The following GRID2 variants were observed in gnomAD, a reference collection of about 807,000 sequenced individuals.
The protein encoded by GRID2 is glutamate ionotropic receptor delta type subunit 2, also known as glutamate receptor ionotropic, delta-2.
In GRID2, 33 loss-of-function variants were observed where a neutral mutation model predicts 114.8. The observed-to-expected ratio is 0.29, with a 90% CI of 0.22 to 0.38. The LOEUF is 0.38. GRID2 is among the 10% of genes least tolerant of loss of function. GRID2 has a pLI of 1.00. For missense variants in GRID2, 1,184 were observed against 1,257.7 expected (o/e 0.94, Z 0.89); for synonymous variants, 505 against 449.9 (o/e 1.12, Z -1.55).
intron 14 of GRID2, among the ~76,000 whole-genome samples, chr4:93,668,690 G>A (rs912054478): frequency 3.0e-4 from 45 of 151,924 alleles, no homozygotes; most frequent in Admixed American, 2.6e-3. Flanking sequence ...TTGTGTTCCT[G>A]GATTTTGGCA....
At chr4:93,155,554 TC>T (rs1310364557) in intron 4 of GRID2, among the ~76,000 whole-genome samples, 2 of 152,004 alleles carry the variant, frequency 1.3e-5, no homozygotes, top group Non-Finnish European at 2.9e-5. Flanking sequence ...AGCCACTTTA[TC>T]CAGTAAAACT....
At chr4:92,419,599 A>G (rs1367148255) in intron 1 of GRID2, among the ~76,000 whole-genome samples, 2 of 152,130 alleles carry the variant, frequency 1.3e-5, no homozygotes, top group South Asian at 4.1e-4. Context: ...GTGGGAAATA[A>G]CTTTTTGGAA....
At chr4:93,365,272 T>C (rs983811644) in intron 8 of GRID2, among the ~76,000 whole-genome samples, 1 of 152,194 alleles carries the variant, frequency 6.6e-6, no homozygotes, top group Non-Finnish European at 1.5e-5. Context: ...ATCTTTATTT[T>C]TGTCAATAGT....
intron 2 of GRID2, among the ~76,000 whole-genome samples, chr4:92,794,523 A>G (rs1739757340): frequency 6.6e-6 from 1 of 151,814 alleles, no homozygotes; most frequent in African/African-American, 2.4e-5. Flanking sequence ...ACTTAAAATC[A>G]TTTCATAAAT....
At chr4:93,323,636 G>A (rs543197035) in intron 8 of GRID2, among the ~76,000 whole-genome samples, 1 of 152,192 alleles carries the variant, frequency 6.6e-6, no homozygotes, top group East Asian at 1.9e-4. Flanking sequence ...ATTTCCTTGG[G>A]CACTATGGCC....
intron 14 of GRID2, among the ~76,000 whole-genome samples, chr4:93,644,781 A>C (rs1236672680): frequency 6.6e-6 from 1 of 152,192 alleles, no homozygotes; most frequent in Non-Finnish European, 1.5e-5. Context: ...AGAGGCTGTA[A>C]ATATCAGACC....
chr4:92,524,227 G>T (rs968848783), intron 1 of GRID2, among the ~76,000 whole-genome samples: 1 of 151,888 alleles, frequency 6.6e-6, no homozygotes, highest in African/African-American at 2.4e-5. Context: ...GAGTCAAAAG[G>T]ATTAATGGGT....
At chr4:93,029,184 G>A (rs781603892) in intron 2 of GRID2, among the ~76,000 whole-genome samples, 2 of 151,902 alleles carry the variant, frequency 1.3e-5, no homozygotes, top group Admixed American at 6.6e-5. Flanking sequence ...TTTAAAGTAA[G>A]AAATGGCAAA....
At chr4:93,584,630 G>A (rs1029213546) in intron 13 of GRID2, among the ~76,000 whole-genome samples, 3 of 151,970 alleles carry the variant, frequency 2.0e-5, no homozygotes, top group Admixed American at 2.0e-4. Flanking sequence ...CATTAGAAAT[G>A]GAATTTAACA....
At chr4:92,343,013 T>G (rs1478021776) in intron 1 of GRID2, among the ~76,000 whole-genome samples, 1 of 152,184 alleles carries the variant, frequency 6.6e-6, no homozygotes, top group African/African-American at 2.4e-5. Flanking sequence ...TAATATGAAC[T>G]GAAAGATATA....
chr4:92,366,393 G>C (rs1200001815), intron 1 of GRID2, among the ~76,000 whole-genome samples: 1 of 151,900 alleles, frequency 6.6e-6, no homozygotes, highest in Non-Finnish European at 1.5e-5. Flanking sequence ...CCTATTTTGT[G>C]CTCTTCAAAA....
intron 2 of GRID2, among the ~76,000 whole-genome samples, chr4:92,924,274 A>G (rs1376032497): frequency 6.6e-6 from 1 of 152,164 alleles, no homozygotes; most frequent in Non-Finnish European, 1.5e-5. Context: ...GGGGAGGGAT[A>G]GCATTAGGAG....
At position 92,449,600 on chromosome 4, in the gene GRID2, T is replaced by C. The variant is rs552280316; in HGVS notation, c.89-140531T>C. Among the ~76,000 whole-genome samples, 128 of 147,716 alleles carry C rather than the reference T, an allele frequency of 8.7e-4. 1 individual carries two copies. The highest frequency in any genetic ancestry group is 2.9e-3 in the African/African-American group (120 of 40,748). On this transcript the variant is annotated intron_variant, in intron 1 of 15. Transcript: ENST00000282020. ...TCTGTCATAACTGCAAAAATATTCA[T>C]ATTTATTCTTAATTTTACTAATTAT...
chr4:93,593,884 G>A (rs1273387855), intron 13 of GRID2, among the ~76,000 whole-genome samples: 5 of 151,690 alleles, frequency 3.3e-5, no homozygotes, highest in Admixed American at 1.3e-4. Flanking sequence ...CGTAGTTCTC[G>A]AGCCTTGGTT....
chr4:92,388,171 A>G (rs1730068403), intron 1 of GRID2, among the ~76,000 whole-genome samples: 1 of 152,050 alleles, frequency 6.6e-6, no homozygotes, highest in East Asian at 1.9e-4. Flanking sequence ...TCATTCTGCC[A>G]AGGGCAGTCG....
intron 2 of GRID2, among the ~76,000 whole-genome samples, chr4:92,801,447 C>T (rs1398509938): frequency 1.3e-5 from 2 of 151,940 alleles, no homozygotes; most frequent in African/African-American, 2.4e-5. Context: ...ATTCCACCCC[C>T]ATTAAGGTAA....
chr4:92,472,477 A>G (rs1560653692), intron 1 of GRID2, among the ~76,000 whole-genome samples: 1 of 152,182 alleles, frequency 6.6e-6, no homozygotes, highest in African/African-American at 2.4e-5. Flanking sequence ...TTTGGTTGGT[A>G]TAAGTTTAAC....
chr4:92,545,740 G>A (rs978655261), intron 1 of GRID2, among the ~76,000 whole-genome samples: 8 of 152,086 alleles, frequency 5.3e-5, no homozygotes, highest in Admixed American at 2.0e-4. Context: ...GATAAAGTGG[G>A]TCTTTGATTC....
intron 8 of GRID2, among the ~76,000 whole-genome samples, chr4:93,326,038 G>A (rs552586235): frequency 7.2e-5 from 11 of 152,218 alleles, no homozygotes; most frequent in East Asian, 1.9e-4. Flanking sequence ...CAGATGTTGC[G>A]AAGTCCAGCT....
Sources: allele counts gnomAD v4.1 joint callset (sites outside exome capture counted in the v4.1 genomes callset), GRCh38; gene constraint gnomAD v4.1.1; transcripts MANE v1.5; gene names NCBI Gene and HGNC (gene_info 2026-07-23, HGNC 2026-07-21).